AAK1: variants seen among roughly 807,000 people sequenced by gnomAD.
AAK1 encodes AP2-associated protein kinase 1.
In AAK1, 37 loss-of-function variants were observed where a neutral mutation model predicts 116.0. The ratio of observed to expected loss-of-function variants is 0.32; its 90% CI spans 0.25 to 0.42. The LOEUF is 0.42. Ranked by LOEUF, AAK1 falls within the 10% of genes least tolerant of loss-of-function variation. The pLI is 1.00. For missense variants in AAK1, 919 were observed against 1,170.6 expected, an observed-to-expected ratio of 0.79 and a Z score of 3.14; for synonymous variants, 458 against 439.9, an observed-to-expected ratio of 1.04 and a Z score of -0.51.
chr2:69,599,574 T>C (rs562140711), intron 2 of AAK1, among the ~76,000 whole-genome samples: 31 of 152,322 alleles, frequency 2.0e-4, no homozygotes, highest in Admixed American at 7.8e-4. Context: ...AATCACTCTT[T>C]ACATTTGATG....
chr2:69,539,096 G>C (rs1227732370), intron 5 of AAK1, among the ~76,000 whole-genome samples: 1 of 152,144 alleles, frequency 6.6e-6, no homozygotes, highest in Non-Finnish European at 1.5e-5. Context: ...GGCACTGTTA[G>C]CTCCACTTTA....
chr2:69,534,350 C>T (rs533961416), intron 5 of AAK1, among the ~76,000 whole-genome samples: 21 of 152,260 alleles, frequency 1.4e-4, no homozygotes, highest in Non-Finnish European at 2.6e-4. Flanking sequence ...TACTCAAGGC[C>T]CCCATCCTTA....
rs74504725 is a variant in AAK1 at position 69,617,740 on chromosome 2, G to T, written c.163+25138C>A. On this transcript the variant is annotated intron_variant, in intron 2 of 21. Coordinates refer to ENST00000409085, the MANE Select transcript of AAK1 (RefSeq NM_014911.5). ...GAACAGACATTCCCAGCAGCACGCT[G>T]TGCCTGCTCCTGTGAAGGGATAAAG... Among the ~76,000 whole-genome samples the T allele has an allele frequency of 8.8e-3, 1,345 of 152,338 alleles. 15 individuals carry two copies. The highest frequency in any genetic ancestry group is 0.046 in the East Asian group (241 of 5,188).
In AAK1 at chr2:69,622,851, T is replaced by C. The variant is rs909104191; in HGVS notation, c.163+20027A>G. Among the ~76,000 whole-genome samples the C allele has an allele frequency of 2.0e-5, 3 of 152,150 alleles. No homozygotes were observed. In the East Asian group the frequency reaches 5.8e-4, roughly 29 times the overall value. ...ATCTAGTGGGGACGTGGAGAACTTT[T>C]GTGTCTAGCTCAGGGATTATAAACG... On this transcript the variant is annotated intron_variant, in intron 2 of 21. Coordinates refer to ENST00000409085, the MANE Select transcript of AAK1 (RefSeq NM_014911.5).
At chr2:69,533,560 G>C (rs531935058) in intron 5 of AAK1, among the ~76,000 whole-genome samples, 18 of 152,316 alleles carry the variant, frequency 1.2e-4, no homozygotes, top group African/African-American at 4.3e-4. Flanking sequence ...TGATTCTGCA[G>C]TTTATTGTTT....
At chr2:69,643,309 A>G (rs575221316) in intron 1 of AAK1, 35 bp from the exon 2 acceptor site, 776 of 1,344,124 alleles carry the variant, frequency 5.8e-4, no homozygotes, top group Non-Finnish European at 6.9e-4. Flanking sequence ...AGGATGAATC[A>G]GTAACACGCT....
chr2:69,566,899 C>T (rs1671892796), intron 2 of AAK1, among the ~76,000 whole-genome samples: 2 of 152,182 alleles, frequency 1.3e-5, no homozygotes, highest in South Asian at 4.1e-4. Flanking sequence ...CCACCTTTGC[C>T]GTACTGCTGC....
chr2:69,496,146 G>A (rs1380654532), intron 16 of AAK1, 66 bp from the exon 17 acceptor site: 2 of 1,121,698 alleles, frequency 1.8e-6, no homozygotes, highest in Non-Finnish European at 1.3e-6. Flanking sequence ...ATAACACCAA[G>A]TAAATCTAGG....
rs746972851 is a variant in AAK1 at position 69,514,616 on chromosome 2, T to G, written c.1631A>C (p.Gln544Pro). 1.3e-6 allele frequency: 2 copies of G among 1,581,586 alleles called. No individual in the cohort carries two copies. Among genetic ancestry groups the G allele is most frequent in the Non-Finnish European group, 1.7e-6 (2 of 1,163,620 alleles). Reference protein sequence around the residue: ...QQQQQQQQQQQQQLATALHQQ... With the variant: ...QQQQQQQQQQPQQLATALHQQ... ...ATGCAGGGCTGTGGCCAGCTGTTGC[T>G]GTTGCTGTTGTTGTTGCTGCTGCTG... is the stretch of plus-strand genomic sequence containing the variant. The change falls in exon 13 of 22, where the codon CAG becomes CCG. Residue 544 changes from glutamine to proline, a missense_variant. Gln to Pro is a moderately conservative substitution (Grantham distance 76). Coordinates refer to ENST00000409085, the MANE Select transcript of AAK1 (RefSeq NM_014911.5).
intron 15 of AAK1, 65 bp from the exon 16 acceptor site, chr2:69,505,738 G>A: frequency 1.6e-6 from 2 of 1,248,144 alleles, no homozygotes; most frequent in Non-Finnish European, 2.3e-6. Context: ...ACACATGGCA[G>A]AGGTAAGGGG....
At chr2:69,550,862 C>T (rs1424128647) in intron 3 of AAK1, among the ~76,000 whole-genome samples, 1 of 152,054 alleles carries the variant, frequency 6.6e-6, no homozygotes, top group Non-Finnish European at 1.5e-5. Context: ...ATGATCCACC[C>T]TCCTCGGCCT....
At chr2:69,547,391 T>G (rs780350195) in intron 3 of AAK1, among the ~76,000 whole-genome samples, 33 of 152,290 alleles carry the variant, frequency 2.2e-4, no homozygotes, top group Admixed American at 3.9e-4. Flanking sequence ...CCAGAATATG[T>G]GAAGAACCCT....
At chr2:69,639,662 G>A (rs1007700138) in intron 2 of AAK1, among the ~76,000 whole-genome samples, 2 of 152,120 alleles carry the variant, frequency 1.3e-5, no homozygotes, top group South Asian at 2.1e-4. Flanking sequence ...CAATACCCAC[G>A]CTAGAGAAAA....
At chr2:69,597,668 G>A (rs952292888) in intron 2 of AAK1, 3 of 151,846 alleles carry the variant, frequency 2.0e-5, no homozygotes, top group Non-Finnish European at 2.9e-5. Context: ...TCAGGAGTTC[G>A]AGACCAGTCT....
At chr2:69,551,451 T>G (rs1412045799) in intron 3 of AAK1, among the ~76,000 whole-genome samples, 1 of 152,242 alleles carries the variant, frequency 6.6e-6, no homozygotes, top group Non-Finnish European at 1.5e-5. Flanking sequence ...AGAACAATCC[T>G]GAGCTTCCTA....
chr2:69,493,380 C>T (rs924585796), intron 17 of AAK1, among the ~76,000 whole-genome samples: 1 of 151,896 alleles, frequency 6.6e-6, no homozygotes, highest in African/African-American at 2.4e-5. Flanking sequence ...CTGCCTGACA[C>T]TGTGGGCTGT....
At position 69,530,688 on chromosome 2, in the gene AAK1, A is replaced by G. The variant is rs780614015; in HGVS notation, c.675T>C (p.Tyr225=). The G allele has an allele frequency of 1.2e-6, 2 of 1,613,454 alleles. No individual in the cohort carries two copies. The highest frequency in any genetic ancestry group is 1.7e-5 in the Admixed American group (1 of 60,012). ...DEIKKYTTLS[Y]RAPEMVNLYS... is the part of the protein sequence containing the mutation. ...ACAGGTTGACCATTTCTGGTGCTCG[A>G]TAGGACAGCGTTGTGTATCTACAAT... Residue 225 remains tyrosine, a synonymous_variant, in exon 7 of 22, where the codon TAT becomes TAC. Coordinates refer to ENST00000409085, the MANE Select transcript of AAK1 (RefSeq NM_014911.5).
intron 13 of AAK1, among the ~76,000 whole-genome samples, chr2:69,513,081 T>C (rs561933171): frequency 1.2e-4 from 19 of 152,282 alleles, no homozygotes; most frequent in Non-Finnish European, 2.5e-4. Context: ...TTTTAAAAAC[T>C]CTTTTTCCAT....
At position 69,465,421 on chromosome 2, in the gene AAK1, G is replaced by A. The variant is rs745857562; in HGVS notation, c.*10448C>T. The A allele has an allele frequency of 1.9e-5, 24 of 1,281,372 alleles. No homozygotes were observed. In the South Asian group the frequency reaches 2.9e-4, roughly 15 times the overall value. The allele number at this position is 1,281,372 out of a possible 1,614,324, so 79.4% of individuals were successfully genotyped here. Reference sequence around the variant, plus strand: ...ACAAGAGGCTTGAGGCTCAGGTTTTGCTCCTAGGGTTTCTTGCCTGATTTT... The same window carrying A: ...ACAAGAGGCTTGAGGCTCAGGTTTTACTCCTAGGGTTTCTTGCCTGATTTT... On this transcript the variant is annotated 3_prime_UTR_variant, in exon 22 of 22. Coordinates refer to ENST00000409085, the MANE Select transcript of AAK1 (RefSeq NM_014911.5).
Sources: gnomAD v4.1 joint callset for allele counts (sites outside exome capture counted in the v4.1 genomes callset) on GRCh38, gnomAD v4.1.1 for gene constraint, MANE v1.5 for transcripts, NCBI Gene and HGNC (gene_info 2026-07-23, HGNC 2026-07-21) for gene names.